Variants in MCPH1 observed in about 807,000 individuals in gnomAD.
MCPH1 encodes microcephalin 1, also known as microcephalin.
MCPH1 carries 104 observed loss-of-function variants against 84.5 expected under a neutral mutation model. The ratio of observed to expected loss-of-function variants is 1.23; its 90% CI spans 1.05 to 1.45. MCPH1 has a LOEUF of 1.45. MCPH1 is among the 40% of genes most tolerant of loss of function. The pLI is 0.00. For synonymous variants in MCPH1, 514 were observed against 366.8 expected, an observed-to-expected ratio of 1.40 and a Z score of -4.58; for missense variants, 1,498 against 1,005.7, an observed-to-expected ratio of 1.49 and a Z score of -6.62.
At chr8:6,410,495 G>T (rs1038368548) in intron 2 of MCPH1, among the ~76,000 whole-genome samples, 1 of 152,116 alleles carries the variant, frequency 6.6e-6, no homozygotes, top group Non-Finnish European at 1.5e-5. Context: ...CTTATTCAAG[G>T]TTTCTTAGTA....
At chr8:6,523,838 C>T (rs529736826) in intron 12 of MCPH1, among the ~76,000 whole-genome samples, 12 of 151,158 alleles carry the variant, frequency 7.9e-5, no homozygotes, top group Admixed American at 4.6e-4. Context: ...TCGTCCACCT[C>T]GGCCTTCCAA....
chr8:6,588,404 G>A (rs1412794695), intron 12 of MCPH1, among the ~76,000 whole-genome samples: 1 of 151,836 alleles, frequency 6.6e-6, no homozygotes, highest in Non-Finnish European at 1.5e-5. Context: ...TTAGGAGAAT[G>A]TCCCTCAGAA....
At chr8:6,633,023 TAA>T (rs35473799) in intron 13 of MCPH1, among the ~76,000 whole-genome samples, 12 of 144,076 alleles carry the variant, frequency 8.3e-5, no homozygotes, top group South Asian at 2.2e-4. Flanking sequence ...AGTAATGATT[TAA>T]AAAAAAAAAA....
At chr8:6,618,681 A>T (rs937342344) in intron 12 of MCPH1, 2 of 152,196 alleles carry the variant, frequency 1.3e-5, no homozygotes, top group South Asian at 4.1e-4. Context: ...TGAACAAGCT[A>T]TTTCCAAAAA....
At chr8:6,523,626 G>A (rs530545438) in intron 12 of MCPH1, among the ~76,000 whole-genome samples, 1 of 152,282 alleles carries the variant, frequency 6.6e-6, no homozygotes, top group South Asian at 2.1e-4. Context: ...GTCTCGCGCT[G>A]TGGCCTGGGC....
intron 9 of MCPH1, among the ~76,000 whole-genome samples, chr8:6,463,488 A>G (rs1401690447): frequency 1.3e-5 from 2 of 152,354 alleles, no homozygotes; most frequent in African/African-American, 4.8e-5. Flanking sequence ...TTTATTGCGG[A>G]GGCAGTAGAT....
intron 12 of MCPH1, chr8:6,618,550 G>C (rs1831093430): frequency 6.6e-6 from 1 of 152,174 alleles, no homozygotes. Flanking sequence ...GTGTGTGTGT[G>C]TTGTGTGTGC....
In MCPH1 at chr8:6,441,436, G is replaced by C. The variant is rs114166479; in HGVS notation, c.581-631G>C. Among the ~76,000 whole-genome samples the C allele has an allele frequency of 3.1e-3, 474 of 152,070 alleles. 4 individuals carry two copies. Among genetic ancestry groups the C allele is most frequent in the African/African-American group, 0.011 (452 of 41,502 alleles). On this transcript the variant is annotated intron_variant, in intron 6 of 13. Transcript: ENST00000344683. The stretch of plus-strand genomic sequence containing the variant: ...AGTTTTCTCAGAAAAGTATCCTTTT[G>C]AGTCTCTAAAAAATATCTTTGGATA...
chr8:6,427,162 A>G (rs190046096), intron 3 of MCPH1, among the ~76,000 whole-genome samples: 34 of 152,308 alleles, frequency 2.2e-4, no homozygotes, highest in African/African-American at 8.2e-4. Context: ...AAAATATGGT[A>G]TAAAAGATAA....
chr8:6,551,291 T>C lies in MCPH1; in HGVS notation c.2214+51362T>C, dbSNP rs540266648. Among the ~76,000 whole-genome samples the C allele has an allele frequency of 6.2e-4, 94 of 151,796 alleles. 1 individual carries two copies. Among genetic ancestry groups the C allele is most frequent in the Admixed American group, 4.8e-3 (73 of 15,236 alleles). On this transcript the variant is annotated intron_variant, in intron 12 of 13. Coordinates refer to ENST00000344683, the MANE Select transcript of MCPH1 (RefSeq NM_024596.5). ...TTTTAGTGGTAGCGGTATTTAGGGG[T>C]GAAGAAGGGGAAAGGAAGAATAGTG... is the stretch of plus-strand genomic sequence containing the variant.
intron 3 of MCPH1, among the ~76,000 whole-genome samples, chr8:6,423,446 T>C (rs1351244057): frequency 6.6e-6 from 1 of 152,196 alleles, no homozygotes; most frequent in Non-Finnish European, 1.5e-5. Context: ...ATTACTGGCA[T>C]GAGCCCCTGC....
chr8:6,452,436 G>T (rs1055177356), intron 8 of MCPH1, among the ~76,000 whole-genome samples: 1 of 152,198 alleles, frequency 6.6e-6, no homozygotes, highest in African/African-American at 2.4e-5. Context: ...TGATCATTTC[G>T]TGAAAACGAA....
chr8:6,511,875 G>T (rs1409477599), intron 12 of MCPH1, among the ~76,000 whole-genome samples: 1 of 150,150 alleles, frequency 6.7e-6, no homozygotes, highest in African/African-American at 2.5e-5. Flanking sequence ...TATACAAACA[G>T]CCTAATCCTT....
At chr8:6,591,989 A>T (rs371770398) in intron 12 of MCPH1, among the ~76,000 whole-genome samples, 2 of 152,224 alleles carry the variant, frequency 1.3e-5, no homozygotes, top group African/African-American at 4.8e-5. Flanking sequence ...TCGACAACGC[A>T]AAGTGAGAGT....
chr8:6,515,591 G>C (rs1816109171), intron 12 of MCPH1, among the ~76,000 whole-genome samples: 1 of 152,070 alleles, frequency 6.6e-6, no homozygotes, highest in Non-Finnish European at 1.5e-5. Context: ...TTTCAACTCA[G>C]CTGGAGTTTT....
chr8:6,605,852 C>T (rs755562701), intron 12 of MCPH1, among the ~76,000 whole-genome samples: 4 of 152,160 alleles, frequency 2.6e-5, no homozygotes, highest in Non-Finnish European at 4.4e-5. Context: ...TGTTTGCCAC[C>T]ATGCCCAACT....
At position 6,513,658 on chromosome 8, in the gene MCPH1, A is replaced by G. The variant is rs114577224; in HGVS notation, c.2214+13729A>G. On this transcript the variant is annotated intron_variant, in intron 12 of 13. Transcript: ENST00000344683. ...ACAAATCTTTTAATTTTTTCTTTCA[A>G]TTACCATGAACTCACTTACCTATAA... 9.0e-4 allele frequency: 1,430 copies of G among 1,587,530 alleles called. 9 individuals are homozygous for G. The African/African-American group carries it at 0.016, about 18-fold the overall frequency.
chr8:6,486,324 C>G (rs374403517), intron 11 of MCPH1, among the ~76,000 whole-genome samples: 5 of 152,004 alleles, frequency 3.3e-5, no homozygotes, highest in East Asian at 3.9e-4. Context: ...CTCTCTCGTC[C>G]TCCTCCTTCT....
intron 12 of MCPH1, among the ~76,000 whole-genome samples, chr8:6,537,689 T>C (rs1010027989): frequency 4.6e-5 from 7 of 152,122 alleles, no homozygotes; most frequent in Non-Finnish European, 7.4e-5. Context: ...TATGGCAGAT[T>C]GATTACACAT....
Sources: gnomAD v4.1 joint callset for allele counts (sites outside exome capture counted in the v4.1 genomes callset) on GRCh38, gnomAD v4.1.1 for gene constraint, MANE v1.5 for transcripts, NCBI Gene and HGNC (gene_info 2026-07-23, HGNC 2026-07-21) for gene names.